The following POLR3B variants were observed in gnomAD, a reference collection of about 807,000 sequenced individuals.
The protein encoded by POLR3B is RNA polymerase III subunit B.
POLR3B carries 96 observed loss-of-function variants against 147.4 expected under a neutral mutation model. That is an observed-to-expected ratio of 0.65 (90% CI 0.55 to 0.77). The LOEUF is 0.77. POLR3B is among the 30% of genes least tolerant of loss of function. The pLI is 0.00. For synonymous variants in POLR3B, 461 were observed against 485.9 expected, an observed-to-expected ratio of 0.95 and a Z score of 0.67; for missense variants, 1,036 against 1,413.5, an observed-to-expected ratio of 0.73 and a Z score of 4.28.
intron 22 of POLR3B, among the ~76,000 whole-genome samples, chr12:106,461,441 A>G (rs1347687812): frequency 6.6e-6 from 1 of 152,160 alleles, no homozygotes; most frequent in East Asian, 1.9e-4. Flanking sequence ...TTCCAGGCAC[A>G]TGGGATAGTG....
intron 16 of POLR3B, among the ~76,000 whole-genome samples, chr12:106,435,408 G>A (rs1242546261): frequency 3.3e-5 from 5 of 152,150 alleles, no homozygotes; most frequent in Non-Finnish European, 2.9e-5. Context: ...GCCTCCCAAA[G>A]TGCTGGGATT....
intron 23 of POLR3B, among the ~76,000 whole-genome samples, chr12:106,480,910 G>T (rs911660856): frequency 6.6e-6 from 1 of 152,156 alleles, no homozygotes; most frequent in East Asian, 1.9e-4. Flanking sequence ...GGAAGCATGT[G>T]AGGGGAGGGC....
At chr12:106,396,437 T>C (rs1425319239) in intron 10 of POLR3B, among the ~76,000 whole-genome samples, 2 of 152,212 alleles carry the variant, frequency 1.3e-5, no homozygotes, top group African/African-American at 4.8e-5. Context: ...CCAAATCTTA[T>C]CATGGGGACA....
intron 23 of POLR3B, among the ~76,000 whole-genome samples, chr12:106,477,891 C>CCTTTTTT (rs1565909279): frequency 4.3e-5 from 3 of 70,480 alleles, no homozygotes; most frequent in Admixed American, 2.3e-4. Flanking sequence ...GGCTCCTCCC[C>CCTTTTTT]TTTTTTTTTT....
intron 19 of POLR3B, among the ~76,000 whole-genome samples, chr12:106,447,789 T>G (rs2037742495): frequency 6.6e-6 from 1 of 152,246 alleles, no homozygotes; most frequent in African/African-American, 2.4e-5. Context: ...CAACAGTGGC[T>G]TCTTCTCACT....
chr12:106,403,704 G>T (rs547067081), intron 10 of POLR3B, among the ~76,000 whole-genome samples: 1 of 150,984 alleles, frequency 6.6e-6, no homozygotes, highest in Non-Finnish European at 1.5e-5. Flanking sequence ...GCAAACTATC[G>T]CAAGGACAAA....
At position 106,366,715 on chromosome 12, in the gene POLR3B, T is replaced by G; in HGVS notation, c.220T>G (p.Tyr74Asp). 1 of 1,610,632 alleles carries G rather than the reference T, an allele frequency of 6.2e-7. No individual in the cohort carries two copies. The highest frequency in any genetic ancestry group is 8.5e-7 in the Non-Finnish European group (1 of 1,176,884). Residue 74 changes from tyrosine to aspartate, a missense_variant, in exon 4 of 28, where the codon TAC (tyrosine) becomes GAC (aspartate). Around this residue, in one of 12 missense-constraint regions of POLR3B, gnomAD observed 150 missense variants for 145.5 expected, o/e 1.03. Transcript: ENST00000228347. ...TACAAGTGACGCTGACCCTATGTGGTACTTAAAGTAAGGAACCAACATTCT... is the reference window on the plus strand; with the variant it reads ...TACAAGTGACGCTGACCCTATGTGGGACTTAAAGTAAGGAACCAACATTCT... ...KVTSDADPMW[Y>D]LKYLNIYVGL...
chr12:106,454,599 G>T lies in POLR3B; in HGVS notation c.2181G>T (p.Leu727Phe). 2 of 1,608,566 alleles carry T rather than the reference G, an allele frequency of 1.2e-6. No individual in the cohort carries two copies. The highest frequency in any genetic ancestry group is 1.3e-5 in the African/African-American group (1 of 74,908). The change falls in exon 20 of 28, where the codon TTG becomes TTT. Residue 727 changes from leucine to phenylalanine, a missense_variant. Coordinates refer to ENST00000228347, the MANE Select transcript of POLR3B (RefSeq NM_018082.6). ...KPMVKTKTIELIEFEKLPAGQ... is the reference protein window; with the variant it reads ...KPMVKTKTIEFIEFEKLPAGQ... ...TGGTTAAGACAAAAACCATTGAATT[G>T]ATAGAATTTGAGAAACTGCCAGCTG...
chr12:106,451,212 G>C (rs1593048473), intron 19 of POLR3B, among the ~76,000 whole-genome samples: 1 of 152,160 alleles, frequency 6.6e-6, no homozygotes, highest in East Asian at 1.9e-4. Flanking sequence ...GACTATAGTG[G>C]TGGTTTCACA....
chr12:106,436,443 T>C (rs902221786), intron 16 of POLR3B, among the ~76,000 whole-genome samples: 2 of 152,196 alleles, frequency 1.3e-5, no homozygotes, highest in Non-Finnish European at 2.9e-5. Context: ...GTAAGAAAGC[T>C]TCATTCTCTG....
intron 18 of POLR3B, among the ~76,000 whole-genome samples, 188 bp from the exon 19 acceptor site, chr12:106,444,275 A>G (rs1412173966): frequency 6.6e-6 from 1 of 152,158 alleles, no homozygotes; most frequent in Admixed American, 6.6e-5. Context: ...TTATGTGTTA[A>G]TTACAATTTC....
In POLR3B at chr12:106,463,692, T is replaced by C. The variant is rs534030008; in HGVS notation, c.2713+72T>C. 4,217 of 1,283,298 alleles carry C rather than the reference T, an allele frequency of 3.3e-3. 12 individuals carry two copies. The highest frequency in any genetic ancestry group is 5.4e-3 in the Admixed American group (297 of 54,866). 79.5% of individuals were successfully genotyped at this position (1,283,298 alleles called of 1,614,324 possible). On this transcript the variant is annotated intron_variant, in intron 23 of 27. Coordinates refer to ENST00000228347, the MANE Select transcript of POLR3B (RefSeq NM_018082.6). ...GTATTTGTTAACCACTTAAATAAAATTCCCCCATTTAAAAAATTTACTTTG... is the reference window on the plus strand; with the variant it reads ...GTATTTGTTAACCACTTAAATAAAACTCCCCCATTTAAAAAATTTACTTTG...
At chr12:106,454,963 A>G (rs557935554) in intron 20 of POLR3B, among the ~76,000 whole-genome samples, 2 of 151,544 alleles carry the variant, frequency 1.3e-5, no homozygotes, top group East Asian at 2.0e-4. Context: ...ACGTGAGACA[A>G]TCCTTCAAAA....
At chr12:106,437,378 A>T (rs1168657731) in intron 17 of POLR3B, among the ~76,000 whole-genome samples, 1 of 152,224 alleles carries the variant, frequency 6.6e-6, no homozygotes, top group Non-Finnish European at 1.5e-5. Flanking sequence ...AAGGACTTAC[A>T]TCATGTGTCA....
At chr12:106,432,112 A>G (rs1490097711) in intron 14 of POLR3B, among the ~76,000 whole-genome samples, 1 of 152,176 alleles carries the variant, frequency 6.6e-6, no homozygotes, top group Non-Finnish European at 1.5e-5. Flanking sequence ...TCTATTTTAT[A>G]TCCTTGCTTG....
chr12:106,447,018 C>A (rs1465803216), intron 19 of POLR3B, among the ~76,000 whole-genome samples: 3 of 152,170 alleles, frequency 2.0e-5, no homozygotes, highest in Non-Finnish European at 4.4e-5. Context: ...TAATTCCTTG[C>A]AGTCTTGACA....
Position 106,433,657 on chromosome 12 carries a change from A to G in POLR3B, c.1628-62A>G, listed in dbSNP as rs78975266. On this transcript the variant is annotated intron_variant, in intron 15 of 27. Coordinates refer to ENST00000228347, the MANE Select transcript of POLR3B (RefSeq NM_018082.6). ...TGATTACTATTTTTATTGGTTGGAT[A>G]TATTAAATCAGGTTGCATTTATTTT... The G allele has an allele frequency of 1.9e-3, 2,572 of 1,346,126 alleles. 40 individuals are homozygous for G. The African/African-American group carries it at 0.031, about 16-fold the overall frequency. The allele number at this position is 1,346,126 out of a possible 1,614,324, so 83.4% of individuals were successfully genotyped here.
intron 22 of POLR3B, among the ~76,000 whole-genome samples, chr12:106,462,138 CT>C (rs1321778781): frequency 6.6e-6 from 1 of 152,228 alleles, no homozygotes; most frequent in Non-Finnish European, 1.5e-5. Flanking sequence ...CCTCCTCCTG[CT>C]TCATGCTACA....
rs181783349 is a variant in POLR3B, at chr12:106,446,977, G to A, written c.2083+2387G>A. Reference sequence around the variant, plus strand: ...TACCCAGGTCTGTAATGCAGACTTCGCACTTTGAGTAGGACTTCTCTGGAT... The same window carrying A: ...TACCCAGGTCTGTAATGCAGACTTCACACTTTGAGTAGGACTTCTCTGGAT... On this transcript the variant is annotated intron_variant, in intron 19 of 27. Transcript: ENST00000228347. Among the ~76,000 whole-genome samples, 3 of 152,278 alleles carry A rather than the reference G, an allele frequency of 2.0e-5. No individual in the cohort carries two copies. In the East Asian group the frequency reaches 5.8e-4, roughly 29 times the overall value.
Sources: allele counts gnomAD v4.1 joint callset (sites outside exome capture counted in the v4.1 genomes callset), GRCh38; gene constraint gnomAD v4.1.1; regional missense constraint gnomAD v4.1.1; transcripts MANE v1.5; gene names NCBI Gene and HGNC (gene_info 2026-07-23, HGNC 2026-07-21).